The following DNAJB14 variants were observed in gnomAD, a reference collection of about 807,000 sequenced individuals.
The protein encoded by DNAJB14 is DnaJ heat shock protein family (Hsp40) member B14, also known as dnaJ homolog subfamily B member 14.
Under a neutral mutation model 48.4 loss-of-function variants are expected in DNAJB14, and 22 were observed. The ratio of observed to expected loss-of-function variants is 0.45; its 90% CI spans 0.32 to 0.65. DNAJB14 has a LOEUF of 0.65. Ranked by LOEUF, DNAJB14 falls within the 30% of genes least tolerant of loss-of-function variation. The pLI is 0.03. For synonymous variants in DNAJB14, 142 were observed against 158.7 expected (o/e 0.89, Z 0.79); for missense variants, 319 against 458.8 (o/e 0.70, Z 2.78).
At chr4:99,930,901 G>C (rs957401729) in intron 1 of DNAJB14, among the ~76,000 whole-genome samples, 23 of 152,154 alleles carry the variant, frequency 1.5e-4, no homozygotes, top group Non-Finnish European at 3.1e-4. Context: ...TGACACTGCA[G>C]ATTACCAAAG....
chr4:99,909,321 CAAG>C (rs1277163028), intron 3 of DNAJB14, among the ~76,000 whole-genome samples: 1 of 152,016 alleles, frequency 6.6e-6, no homozygotes, highest in African/African-American at 2.4e-5. Context: ...CCCTGAAATT[CAAG>C]AAGGTTAAAT....
intron 3 of DNAJB14, among the ~76,000 whole-genome samples, chr4:99,909,404 CT>C (rs1222119133): frequency 6.6e-6 from 1 of 151,916 alleles, no homozygotes; most frequent in East Asian, 1.9e-4. Flanking sequence ...TACCAAAAAT[CT>C]TTTTTTGCAC....
intron 1 of DNAJB14, among the ~76,000 whole-genome samples, chr4:99,933,022 G>C (rs1726535436): frequency 6.6e-6 from 1 of 152,156 alleles, no homozygotes; most frequent in African/African-American, 2.4e-5. Context: ...GACTGCTAAA[G>C]AGTAATGAGG....
At chr4:99,910,454 T>TA (rs140139038) in intron 3 of DNAJB14, 44 of 152,176 alleles carry the variant, frequency 2.9e-4, no homozygotes, top group African/African-American at 1.0e-3. Flanking sequence ...ATTTAACATC[T>TA]ATAAACTAAA....
At chr4:99,911,772 A>G (rs1473665678) in intron 3 of DNAJB14, among the ~76,000 whole-genome samples, 3 of 152,028 alleles carry the variant, frequency 2.0e-5, no homozygotes, top group Non-Finnish European at 4.4e-5. Flanking sequence ...GGAGTTCTTT[A>G]TATTTAATAT....
At chr4:99,926,969 G>T (rs2110212024) in intron 2 of DNAJB14, 1 of 152,232 alleles carries the variant, frequency 6.6e-6, no homozygotes. Flanking sequence ...ACCTGAATGA[G>T]AAATTATCAT....
At chr4:99,921,253 A>G (rs1209005495) in intron 3 of DNAJB14, among the ~76,000 whole-genome samples, 3 of 152,198 alleles carry the variant, frequency 2.0e-5, no homozygotes, top group Non-Finnish European at 4.4e-5. Flanking sequence ...TGAACAATGT[A>G]TCCTCTCCTC....
chr4:99,901,074 T>C lies in DNAJB14; in HGVS notation c.1094A>G (p.Asn365Ser), dbSNP rs758075054. 9 of 1,610,864 alleles carry C rather than the reference T, an allele frequency of 5.6e-6. No homozygotes were observed. Among genetic ancestry groups the C allele is most frequent in the Admixed American group, 1.7e-5 (1 of 59,890 alleles). Residue 365 changes from asparagine to serine, a missense_variant, in exon 8 of 8, where the codon AAC (asparagine) becomes AGC (serine). This residue lies in a region of DNAJB14 where 166 missense variants were observed against 236.3 expected (regional missense o/e 0.70). Coordinates refer to ENST00000442697, the MANE Select transcript of DNAJB14 (RefSeq NM_001031723.4). ...GGTAAGCCGCTCTAATTCTTTACAGTTGTCCATGCTCAAGGCATCTGCCTT... is the reference window on the plus strand; with the variant it reads ...GGTAAGCCGCTCTAATTCTTTACAGCTGTCCATGCTCAAGGCATCTGCCTT... ...RRKADALSMDNCKELERLTSL... is the reference protein window; with the variant it reads ...RRKADALSMDSCKELERLTSL...
intron 3 of DNAJB14, among the ~76,000 whole-genome samples, chr4:99,918,167 C>T (rs1340905127): frequency 6.6e-6 from 1 of 152,102 alleles, no homozygotes; most frequent in African/African-American, 2.4e-5. Context: ...TTCATCTTAG[C>T]TTATTTTCTA....
chr4:99,906,524 C>G lies in DNAJB14; in HGVS notation c.725G>C (p.Arg242Thr). 1 of 1,611,188 alleles carries G rather than the reference C, an allele frequency of 6.2e-7. No individual in the cohort carries two copies. The highest frequency in any genetic ancestry group is 8.5e-7 in the Non-Finnish European group (1 of 1,179,492). The part of the protein sequence containing the change: ...RHSGHEREEE[R>T]GDGGFSVFIQ... The stretch of plus-strand genomic sequence containing the variant: ...TTCTAGTCATAAACGTACATCTCCT[C>G]TTTCCTCTTCTCTTTCATGTCCACT... The change falls in exon 5 of 8, where the codon AGA (arginine) becomes ACA (threonine). Residue 242 changes from arginine (R) to threonine (T), a missense_variant. Coordinates refer to ENST00000442697, the MANE Select transcript of DNAJB14 (RefSeq NM_001031723.4).
At chr4:99,905,433 C>T (rs1016317434) in intron 6 of DNAJB14, among the ~76,000 whole-genome samples, 164 bp downstream of exon 6, 2 of 144,950 alleles carry the variant, frequency 1.4e-5, no homozygotes, top group Non-Finnish European at 3.2e-5. Context: ...AAATTTATTA[C>T]TTAAAGTAAC....
At chr4:99,921,507 A>G (rs1726060346) in intron 3 of DNAJB14, among the ~76,000 whole-genome samples, 1 of 152,196 alleles carries the variant, frequency 6.6e-6, no homozygotes, top group Admixed American at 6.5e-5. Context: ...TTCAATATAG[A>G]AGTGGAAGAA....
chr4:99,906,049 G>C, intron 5 of DNAJB14: 1 of 1,313,168 alleles, frequency 7.6e-7, no homozygotes, highest in Non-Finnish European at 9.9e-7. Flanking sequence ...TTGGATTTGA[G>C]GGTAGAAGAT....
At position 99,897,156 on chromosome 4, in the gene DNAJB14, A is replaced by G. The variant is rs140192462; in HGVS notation, c.*3872T>C. 6.7e-6 allele frequency: 1 copy of G among 150,030 alleles called. No homozygotes were observed. The highest frequency in any genetic ancestry group is 2.4e-5 in the African/African-American group (1 of 40,978). 9.3% of individuals were successfully genotyped at this position (150,030 alleles called of 1,614,324 possible). On this transcript the variant is annotated 3_prime_UTR_variant, in exon 8 of 8. Coordinates refer to ENST00000442697, the MANE Select transcript of DNAJB14 (RefSeq NM_001031723.4). ...GTGCAAACATAGTGTGGTATATATT[A>G]AACAATCACACATTTGAGGTAATTA...
chr4:99,916,313 A>AT (rs1325040814), intron 3 of DNAJB14, among the ~76,000 whole-genome samples: 1 of 151,908 alleles, frequency 6.6e-6, no homozygotes, highest in Non-Finnish European at 1.5e-5. Context: ...TAATTTTTTA[A>AT]TTTTTTATAG....
At chr4:99,928,761 A>T (rs867595949) in intron 2 of DNAJB14, 31 of 159,932 alleles carry the variant, frequency 1.9e-4, no homozygotes, top group Non-Finnish European at 3.2e-4. Context: ...TATATATATA[A>T]AATACATTTA....
intron 1 of DNAJB14, among the ~76,000 whole-genome samples, chr4:99,932,858 A>G (rs1726527503): frequency 6.6e-6 from 1 of 152,184 alleles, no homozygotes; most frequent in African/African-American, 2.4e-5. Context: ...ACATTATGCT[A>G]AGTGAAAGAC....
At chr4:99,908,607 C>T (rs951580100) in intron 4 of DNAJB14, 104 bp downstream of exon 4, 20 of 902,078 alleles carry the variant, frequency 2.2e-5, no homozygotes, top group African/African-American at 8.8e-5. Flanking sequence ...CGTAACACTA[C>T]AAGAAATGTA....
intron 2 of DNAJB14, chr4:99,928,700 T>C (rs1168844754): frequency 1.7e-5 from 5 of 300,196 alleles, no homozygotes; most frequent in Non-Finnish European, 3.4e-5. Context: ...CTTTCAACCA[T>C]AGTTTTTTGG....
Sources: gnomAD v4.1 joint callset for allele counts (sites outside exome capture counted in the v4.1 genomes callset) on GRCh38, gnomAD v4.1.1 for gene constraint, gnomAD v4.1.1 regional missense constraint, MANE v1.5 for transcripts, NCBI Gene and HGNC (gene_info 2026-07-23, HGNC 2026-07-21) for gene names.